The following GPC5 variants were observed in gnomAD, a reference collection of about 807,000 sequenced individuals.
The protein encoded by GPC5 is glypican 5.
A neutral mutation model predicts 53.9 loss-of-function variants in GPC5; 47 were observed. The ratio of observed to expected loss-of-function variants is 0.87; its 90% confidence interval spans 0.69 to 1.11. GPC5 has a LOEUF of 1.11. Ranked by LOEUF, GPC5 falls within the 50% of genes most tolerant of loss-of-function variation. GPC5 has a pLI of 0.00. For missense variants in GPC5, 748 were observed against 713.1 expected, an observed-to-expected ratio of 1.05 and a Z score of -0.56; for synonymous variants, 286 against 263.3, an observed-to-expected ratio of 1.09 and a Z score of -0.84.
rs192868397 is a variant in GPC5 at position 91,544,122 on chromosome 13, G to T, written c.325+95200G>T. On this transcript the variant is annotated intron_variant, in intron 2 of 7. Transcript: ENST00000377067. ...TTCTTTACAGTGGTTAAAAAAAAAA[G>T]ACATTTCTGGTGAAATGTAAATAAG... Among the ~76,000 whole-genome samples, 223 of 151,926 alleles carry T rather than the reference G, an allele frequency of 1.5e-3. 1 individual carries two copies. The highest frequency in any genetic ancestry group is 6.8e-3 in the Middle Eastern group (2 of 294).
At chr13:92,327,631 A>G (rs554844374) in intron 7 of GPC5, among the ~76,000 whole-genome samples, 3 of 152,236 alleles carry the variant, frequency 2.0e-5, no homozygotes, top group Non-Finnish European at 4.4e-5. Flanking sequence ...TGAGGGTCCT[A>G]ACATTCACAG....
intron 5 of GPC5, among the ~76,000 whole-genome samples, chr13:91,861,422 A>T (rs1334222755): frequency 6.6e-6 from 1 of 152,046 alleles, no homozygotes; most frequent in Non-Finnish European, 1.5e-5. Flanking sequence ...TTGGCATATT[A>T]TTGTCCTCTC....
At chr13:91,866,870 T>G (rs766505271) in intron 5 of GPC5, among the ~76,000 whole-genome samples, 3 of 152,234 alleles carry the variant, frequency 2.0e-5, no homozygotes, top group African/African-American at 7.2e-5. Context: ...ATTCACTGTT[T>G]AGCTCTATTT....
chr13:92,720,655 C>A (rs1888483111), intron 7 of GPC5, among the ~76,000 whole-genome samples: 1 of 151,774 alleles, frequency 6.6e-6, no homozygotes, highest in African/African-American at 2.4e-5. Flanking sequence ...GAAATTAAAT[C>A]CACTGCTACT....
chr13:91,871,591 T>G (rs981784631), intron 5 of GPC5, among the ~76,000 whole-genome samples: 3 of 152,208 alleles, frequency 2.0e-5, no homozygotes, highest in Non-Finnish European at 4.4e-5. Flanking sequence ...AACTTCTAAC[T>G]TATTTGTTGA....
At chr13:92,724,682 G>A (rs1888588657) in intron 7 of GPC5, among the ~76,000 whole-genome samples, 1 of 151,526 alleles carries the variant, frequency 6.6e-6, no homozygotes, top group Non-Finnish European at 1.5e-5. Context: ...CATAGAAGCA[G>A]AAAATTGAAC....
chr13:92,277,208 C>A (rs1023784052), intron 7 of GPC5, among the ~76,000 whole-genome samples: 1 of 151,702 alleles, frequency 6.6e-6, no homozygotes, highest in Non-Finnish European at 1.5e-5. Context: ...GAATTGACAC[C>A]CACCATGGGT....
intron 7 of GPC5, among the ~76,000 whole-genome samples, chr13:92,523,264 C>A (rs1261090749): frequency 6.6e-6 from 1 of 152,080 alleles, no homozygotes; most frequent in Admixed American, 6.6e-5. Flanking sequence ...TTTTTAAAAA[C>A]AACAACAAAC....
chr13:91,874,213 C>A (rs2039178183), intron 5 of GPC5, among the ~76,000 whole-genome samples: 1 of 152,100 alleles, frequency 6.6e-6, no homozygotes, highest in Non-Finnish European at 1.5e-5. Context: ...CTCTTTCACT[C>A]TCAGTAGTGC....
At position 91,565,429 on chromosome 13, in the gene GPC5, G is replaced by A. The variant is rs148599128; in HGVS notation, c.325+116507G>A. 2.1e-3 allele frequency among the ~76,000 whole-genome samples: 313 copies of A among 152,350 alleles called. 1 individual carries two copies. The highest frequency in any genetic ancestry group is 7.3e-3 in the African/African-American group (304 of 41,584). On this transcript the variant is annotated intron_variant, in intron 2 of 7. Transcript: ENST00000377067. ...TTGGAATTTATACTGCTTAAGCGATGTACAGTTGTTAGGCAGACATCGGAT... is the reference window on the plus strand; with the variant it reads ...TTGGAATTTATACTGCTTAAGCGATATACAGTTGTTAGGCAGACATCGGAT...
chr13:92,340,750 C>T (rs2043359511), intron 7 of GPC5: 2 of 152,028 alleles, frequency 1.3e-5, no homozygotes, highest in Admixed American at 6.6e-5. Flanking sequence ...TAAACCACTG[C>T]TGTAGCTTTT....
chr13:91,999,752 A>G (rs1349219274), intron 6 of GPC5, among the ~76,000 whole-genome samples: 1 of 152,164 alleles, frequency 6.6e-6, no homozygotes, highest in African/African-American at 2.4e-5. Flanking sequence ...TTTTAATTTT[A>G]TTTTACATCT....
chr13:92,720,631 T>C (rs1303372866), intron 7 of GPC5, among the ~76,000 whole-genome samples: 1 of 152,098 alleles, frequency 6.6e-6, no homozygotes, highest in Admixed American at 6.6e-5. Context: ...CGTACATAAA[T>C]GCAAATATAT....
chr13:92,815,233 T>A (rs1877428076), intron 7 of GPC5, among the ~76,000 whole-genome samples: 1 of 151,932 alleles, frequency 6.6e-6, no homozygotes, highest in Non-Finnish European at 1.5e-5. Flanking sequence ...GTGATGAGAA[T>A]GAGGCTGCTA....
chr13:92,011,705 TCAATTAA>T (rs1343386265), intron 6 of GPC5, among the ~76,000 whole-genome samples: 1 of 152,194 alleles, frequency 6.6e-6, no homozygotes, highest in Non-Finnish European at 1.5e-5. Context: ...ATTTTCAAAG[TCAATTAA>T]ACATTTAAAA....
intron 6 of GPC5, among the ~76,000 whole-genome samples, chr13:91,925,836 A>C (rs559362706): frequency 6.6e-6 from 1 of 152,350 alleles, no homozygotes; most frequent in South Asian, 2.1e-4. Context: ...ATTAGTCACA[A>C]TTATAGGAAC....
intron 7 of GPC5, among the ~76,000 whole-genome samples, chr13:92,543,954 C>T (rs1175911454): frequency 4.0e-5 from 6 of 151,592 alleles, no homozygotes; most frequent in African/African-American, 1.5e-4. Context: ...TGTTATTGGG[C>T]TATATTGCTT....
chr13:92,401,881 G>T (rs927729662), intron 7 of GPC5, among the ~76,000 whole-genome samples: 2 of 152,090 alleles, frequency 1.3e-5, no homozygotes, highest in African/African-American at 4.8e-5. Context: ...CTCCTCCTTT[G>T]TCAAGAGGTA....
chr13:92,282,061 T>C (rs1033513905), intron 7 of GPC5, among the ~76,000 whole-genome samples: 23 of 152,170 alleles, frequency 1.5e-4, no homozygotes, highest in Admixed American at 1.2e-3. Context: ...AATGACCTGA[T>C]GGAGCTGAAA....
Sources: allele counts gnomAD v4.1 joint callset (sites outside exome capture counted in the v4.1 genomes callset), GRCh38; gene constraint gnomAD v4.1.1; transcripts MANE v1.5; gene names NCBI Gene and HGNC (gene_info 2026-07-23, HGNC 2026-07-21).